Variants in VIM observed in about 807,000 individuals in gnomAD.
The protein encoded by VIM is vimentin.
In VIM, 18 loss-of-function variants were observed where a neutral mutation model predicts 50.3. That is an observed-to-expected ratio of 0.36 (90% CI 0.25 to 0.53). The LOEUF is 0.53. VIM is among the 20% of genes least tolerant of loss of function. The probability of loss-of-function intolerance (pLI) is 0.91; values close to 1 mark genes in which losing one functional copy is unlikely to be tolerated. For missense variants in VIM, 551 were observed against 614.7 expected (o/e 0.90, Z 1.10); for synonymous variants, 245 against 248.5 (o/e 0.99, Z 0.13).
rs531385322 is a variant in VIM at position 17,229,521 on chromosome 10, G to C, written c.99G>C (p.Thr33=). The change falls in exon 2 of 10, where the codon ACG becomes ACC. Residue 33 remains threonine (T), a synonymous_variant. Coordinates refer to ENST00000544301, the MANE Select transcript of VIM (RefSeq NM_003380.5). Reference sequence around the variant, plus strand: ...GCTCCAGCCGGAGCTACGTGACTACGTCCACCCGCACCTACAGCCTGGGCA... The same window carrying C: ...GCTCCAGCCGGAGCTACGTGACTACCTCCACCCGCACCTACAGCCTGGGCA... ...RPSSSRSYVT[T]STRTYSLGSA... is the part of the protein sequence containing the mutation. The C allele has an allele frequency of 1.2e-6, 2 of 1,608,148 alleles. No homozygotes were observed. Among genetic ancestry groups the C allele is most frequent in the East Asian group, 2.2e-5 (1 of 44,732 alleles).
intron 2 of VIM, 47 bp from the exon 3 acceptor site, chr10:17,230,603 C>T (rs377084802): frequency 1.2e-5 from 19 of 1,610,172 alleles, no homozygotes; most frequent in Non-Finnish European, 1.4e-5. Context: ...CCGCCCCGCC[C>T]CTGGCGGTTT....
chr10:17,235,855 G>A lies in VIM; in HGVS notation c.1239G>A (p.Leu413=). ...CTTCATCTGTTTATAGGATTTCTCTGCCTCTTCCAAACTTTTCCTCCCTGA... is the reference window on the plus strand; with the variant it reads ...CTTCATCTGTTTATAGGATTTCTCTACCTCTTCCAAACTTTTCCTCCCTGA... ...LLEGEESRIS[L]PLPNFSSLNL... is the part of the protein sequence containing the mutation. Residue 413 remains leucine, a synonymous_variant, in exon 8 of 10, where the codon CTG becomes CTA. Transcript: ENST00000544301. The A allele has an allele frequency of 1.2e-6, 2 of 1,613,904 alleles. No homozygotes were observed. Among genetic ancestry groups the A allele is most frequent in the Admixed American group, 1.7e-5 (1 of 60,022 alleles).
intron 5 of VIM, 24 bp downstream of exon 5, chr10:17,233,955 T>C: frequency 6.2e-7 from 1 of 1,601,562 alleles, no homozygotes; most frequent in Non-Finnish European, 8.5e-7. Context: ...CAGTGCGGCT[T>C]CAACCAAAGA....
intron 8 of VIM, 175 bp downstream of exon 8, chr10:17,236,064 A>G: frequency 2.7e-6 from 2 of 750,468 alleles, no homozygotes; most frequent in Non-Finnish European, 4.5e-6. Flanking sequence ...CTTTAAGTTA[A>G]ATGCAAACTC....
At chr10:17,229,123 G>T in intron 1 of VIM, 153 bp from the exon 2 acceptor site, 1 of 475,810 alleles carries the variant, frequency 2.1e-6, no homozygotes, top group South Asian at 2.2e-5. Context: ...CCCCGGAGCA[G>T]GAAGGCTCGA....
chr10:17,231,140 G>A (rs1002062743), intron 3 of VIM: 1 of 156,406 alleles, frequency 6.4e-6, no homozygotes, highest in African/African-American at 2.4e-5. Context: ...ATTTTAGATT[G>A]TGGTTTGCCA....
In VIM at chr10:17,229,589, C is replaced by T; in HGVS notation, c.167C>T (p.Ser56Phe). Residue 56 changes from serine (S) to phenylalanine (F), a missense_variant, in exon 2 of 10, where the codon TCC becomes TTC. By Grantham distance (155) the Ser-to-Phe change is radical. Coordinates refer to ENST00000544301, the MANE Select transcript of VIM (RefSeq NM_003380.5). ...ACCAGCCGCAGCCTCTACGCCTCGT[C>T]CCCGGGCGGCGTGTATGCCACGCGC... ...PSTSRSLYAS[S>F]PGGVYATRSS... The T allele has an allele frequency of 6.2e-7, 1 of 1,606,262 alleles. No individual in the cohort carries two copies.
At chr10:17,230,056 C>A in intron 2 of VIM, 71 bp downstream of exon 2, 2 of 1,499,880 alleles carry the variant, frequency 1.3e-6, no homozygotes, top group South Asian at 1.3e-5. Flanking sequence ...GCCCCCCCGG[C>A]CCCCGCGAGA....
chr10:17,229,488 C>A lies in VIM; in HGVS notation c.66C>A (p.Ser22Arg). The change falls in exon 2 of 10, where the codon AGC (serine) becomes AGA (arginine). Residue 22 changes from serine (S) to arginine (R), a missense_variant. Ser to Arg is a moderately radical substitution (Grantham distance 110). This residue lies in a region of VIM where 134 missense variants were observed against 126.4 expected (regional missense o/e 1.06). Coordinates refer to ENST00000544301, the MANE Select transcript of VIM (RefSeq NM_003380.5). The part of the protein sequence containing the change: ...RRMFGGPGTA[S>R]RPSSSRSYVT... ...TGTTCGGCGGCCCGGGCACCGCGAG[C>A]CGGCCGAGCTCCAGCCGGAGCTACG... 1.2e-6 allele frequency: 2 copies of A among 1,607,042 alleles called. No individual in the cohort carries two copies. The highest frequency in any genetic ancestry group is 1.7e-6 in the Non-Finnish European group (2 of 1,179,056).
At chr10:17,231,702 C>A (rs1342325295) in intron 3 of VIM, among the ~76,000 whole-genome samples, 1 of 151,490 alleles carries the variant, frequency 6.6e-6, no homozygotes, top group Non-Finnish European at 1.5e-5. Context: ...AGCACTCTTG[C>A]CATAAAAAAT....
rs1164745031 is a variant in VIM at position 17,235,960 on chromosome 10, A to T, written c.1273+71A>T. On this transcript the variant is annotated intron_variant, in intron 8 of 9. Coordinates refer to ENST00000544301, the MANE Select transcript of VIM (RefSeq NM_003380.5). ...CCACTGTGTTTATGTCAAAGCATTC[A>T]TTTTTTTTAGGATATCTGAAAAAAT... The T allele has an allele frequency of 5.2e-5, 78 of 1,499,242 alleles. 2 individuals are homozygous for T. In the South Asian group the frequency reaches 8.5e-4, roughly 16 times the overall value. The allele number at this position is 1,499,242 out of a possible 1,614,324, so 92.9% of individuals were successfully genotyped here. A position where few individuals can be genotyped will look rare whatever the true frequency, so the allele number is the denominator to read the frequency against.
At chr10:17,237,196 C>T (rs763276819) in intron 9 of VIM, 34 bp from the exon 10 acceptor site, 4 of 1,562,502 alleles carry the variant, frequency 2.6e-6, no homozygotes, top group Admixed American at 3.5e-5. Context: ...TGGCATGTGG[C>T]ATTATATTTA....
chr10:17,234,868 T>C lies in VIM; in HGVS notation c.1008+50T>C, dbSNP rs141438526. The C allele has an allele frequency of 8.3e-4, 1,345 of 1,613,164 alleles. 8 individuals carry two copies. In the African/African-American group the frequency reaches 0.016, roughly 19 times the overall value. ...GAGGGAAAATAATGACCCATTCTGCTGACTAGGCTCATGATGATACCTGAA... is the reference window on the plus strand; with the variant it reads ...GAGGGAAAATAATGACCCATTCTGCCGACTAGGCTCATGATGATACCTGAA... On this transcript the variant is annotated intron_variant, in intron 6 of 9. Coordinates refer to ENST00000544301, the MANE Select transcript of VIM (RefSeq NM_003380.5).
chr10:17,231,876 C>G (rs536663577), intron 3 of VIM, among the ~76,000 whole-genome samples: 69 of 151,140 alleles, frequency 4.6e-4, no homozygotes, highest in African/African-American at 1.6e-3. Context: ...TAGTTGTATT[C>G]CCTGGAATAT....
At chr10:17,236,111 C>G (rs1846884716) in intron 8 of VIM, 183 bp from the exon 9 acceptor site, 6 of 722,472 alleles carry the variant, frequency 8.3e-6, no homozygotes, top group Non-Finnish European at 1.2e-5. Context: ...CTATCTCATC[C>G]TGATGCTCAA....
At chr10:17,230,895 C>A in intron 3 of VIM, 185 bp downstream of exon 3, 1 of 625,240 alleles carries the variant, frequency 1.6e-6, no homozygotes, top group Non-Finnish European at 2.7e-6. Flanking sequence ...TAATAAAACC[C>A]CTTGAGCGAT....
chr10:17,229,138 G>GCCCCC lies in VIM; in HGVS notation c.-147-137_-147-133dup. On this transcript the variant is annotated intron_variant, in intron 1 of 9. Coordinates refer to ENST00000544301, the MANE Select transcript of VIM (RefSeq NM_003380.5). Reference sequence around the variant, plus strand: ...CCCCGGAGCAGGAAGGCTCGAGGGCGCCCCCACCCCACCCGCCCACCCTCC... The same window carrying GCCCCC: ...CCCCGGAGCAGGAAGGCTCGAGGGCGCCCCCCCCCCACCCCACCCGCCCACCCTCC... 3.0e-5 allele frequency: 5 copies of GCCCCC among 164,754 alleles called. 1 individual carries two copies. The highest frequency in any genetic ancestry group is 2.6e-4 in the South Asian group (2 of 7,776). 10.2% of individuals were successfully genotyped at this position (164,754 alleles called of 1,614,324 possible).
At chr10:17,234,621 T>C (rs577829379) in intron 5 of VIM, 72 bp from the exon 6 acceptor site, 10 of 1,596,860 alleles carry the variant, frequency 6.3e-6, no homozygotes, top group South Asian at 5.5e-5. Flanking sequence ...GTGAGAAATA[T>C]GATTTTTTTT....
rs1158368392 is a variant in VIM at position 17,229,734 on chromosome 10, G to A, written c.312G>A (p.Lys104=). Residue 104 remains lysine (K), a synonymous_variant, in exon 2 of 10, where the codon AAG becomes AAA. Transcript: ENST00000544301. ...TEFKNTRTNE[K]VELQELNDRF... is the part of the protein sequence containing the mutation. ...TCAAGAACACCCGCACCAACGAGAA[G>A]GTGGAGCTGCAGGAGCTGAATGACC... The A allele has an allele frequency of 6.3e-7, 1 of 1,583,102 alleles. No individual in the cohort carries two copies.
Sources: gnomAD v4.1 joint callset for allele counts (sites outside exome capture counted in the v4.1 genomes callset) on GRCh38, gnomAD v4.1.1 for gene constraint, gnomAD v4.1.1 regional missense constraint, MANE v1.5 for transcripts, NCBI Gene and HGNC (gene_info 2026-07-23, HGNC 2026-07-21) for gene names.